PTPRJ: variants seen among roughly 807,000 people sequenced by gnomAD.
PTPRJ encodes receptor-type tyrosine-protein phosphatase eta.
PTPRJ carries 129 observed loss-of-function variants against 141.3 expected under a neutral mutation model. The observed-to-expected ratio is 0.91, with a 90% CI of 0.79 to 1.06. The LOEUF (loss-of-function observed/expected upper bound fraction) is 1.06, where lower values mean the gene tolerates loss of function less well. Ranked by LOEUF, PTPRJ falls within the 50% of genes least tolerant of loss-of-function variation. The probability of loss-of-function intolerance (pLI) is 0.00; values close to 1 mark genes in which losing one functional copy is unlikely to be tolerated. For missense variants in PTPRJ, 1,601 were observed against 1,679.7 expected, an observed-to-expected ratio of 0.95 and a Z score of 0.82; for synonymous variants, 610 against 640.5, an observed-to-expected ratio of 0.95 and a Z score of 0.72.
Position 48,144,788 on chromosome 11 carries a change from A to C in PTPRJ, c.2689A>C (p.Ser897Arg). The C allele has an allele frequency of 6.2e-7, 1 of 1,614,164 alleles. No individual in the cohort carries two copies. Among genetic ancestry groups the C allele is most frequent in the Non-Finnish European group, 8.5e-7 (1 of 1,180,012 alleles). Residue 897 changes from serine to arginine, a missense_variant, in exon 13 of 25, where the codon AGC becomes CGC. Physicochemically the swap from Ser to Arg is moderately radical, Grantham distance 110 (BLOSUM62 -1). Coordinates refer to ENST00000418331, the MANE Select transcript of PTPRJ (RefSeq NM_002843.4). ...IRTEEKGRSQSLSEVLKYEID... is the reference protein window; with the variant it reads ...IRTEEKGRSQRLSEVLKYEID... ...AACAGAAGAAAAGGGACGTTCTCAG[A>C]GCTTGTCTGAAGTTTTGAAATATGA... is the stretch of plus-strand genomic sequence containing the variant.
At chr11:48,105,644 T>C (rs1034572099) in intron 1 of PTPRJ, among the ~76,000 whole-genome samples, 1 of 152,128 alleles carries the variant, frequency 6.6e-6, no homozygotes, top group Admixed American at 6.5e-5. Flanking sequence ...TGAGTGACAG[T>C]GGAAGTTGAA....
chr11:48,115,336 A>G (rs1309212534), intron 3 of PTPRJ, among the ~76,000 whole-genome samples: 1 of 152,204 alleles, frequency 6.6e-6, no homozygotes, highest in African/African-American at 2.4e-5. Flanking sequence ...AGGGAGCTCC[A>G]CTTCAGCTAG....
intron 9 of PTPRJ, 137 bp downstream of exon 9, chr11:48,136,433 C>A (rs1857104892): frequency 9.3e-7 from 1 of 1,073,872 alleles, no homozygotes; most frequent in Non-Finnish European, 1.4e-6. Flanking sequence ...ACATTGGTCT[C>A]AGCAATGGTT....
In PTPRJ at chr11:48,112,911, G is replaced by A. The variant is rs759543022; in HGVS notation, c.280G>A (p.Asp94Asn). 2.5e-6 allele frequency: 4 copies of A among 1,614,056 alleles called. No homozygotes were observed. Among genetic ancestry groups the A allele is most frequent in the East Asian group, 4.5e-5 (2 of 44,894 alleles). Reference protein sequence around the residue: ...SEDGESSGANDSLRTPEQGSN... With the variant: ...SEDGESSGANNSLRTPEQGSN... ...GGATGGTGAAAGCTCTGGAGCCAAC[G>A]ATAGTTTAAGAACACCTGAACAAGG... Residue 94 changes from aspartate to asparagine, a missense_variant, in exon 3 of 25, where the codon GAT becomes AAT. Physicochemically the swap from Asp to Asn is conservative, Grantham distance 23. Transcript: ENST00000418331.
rs377623802 is a variant in PTPRJ at position 48,073,849 on chromosome 11, C to T, written c.97-36209C>T. On this transcript the variant is annotated intron_variant, in intron 1 of 24. Coordinates refer to ENST00000418331, the MANE Select transcript of PTPRJ (RefSeq NM_002843.4). ...CTTGCATTTTCAGTTGACCCATTCA[C>T]TTTGCAAATCTTTAGAGTATTATAT... Among the ~76,000 whole-genome samples the T allele has an allele frequency of 7.9e-5, 12 of 152,144 alleles. 1 individual carries two copies. Among genetic ancestry groups the T allele is most frequent in the Admixed American group, 5.9e-4 (9 of 15,276 alleles).
At chr11:48,058,621 C>G (rs897460709) in intron 1 of PTPRJ, among the ~76,000 whole-genome samples, 2 of 152,138 alleles carry the variant, frequency 1.3e-5, no homozygotes, top group African/African-American at 4.8e-5. Flanking sequence ...CTCACCTCTC[C>G]CCAGCCACCG....
intron 12 of PTPRJ, among the ~76,000 whole-genome samples, chr11:48,144,073 C>G (rs142278289): frequency 1.8e-3 from 272 of 152,134 alleles, no homozygotes; most frequent in Non-Finnish European, 2.8e-3. Flanking sequence ...TGCCCACTCT[C>G]TCCTACTGTG....
Position 48,071,417 on chromosome 11 carries a change from C to T in PTPRJ, c.97-38641C>T, listed in dbSNP as rs905724301. The stretch of plus-strand genomic sequence containing the variant: ...CTGCACCCTCCGCCTCCCGGGTTCA[C>T]GCCATTCTCCTGTGTCAGCCTCCCG... On this transcript the variant is annotated intron_variant, in intron 1 of 24. Transcript: ENST00000418331. 7.9e-5 allele frequency among the ~76,000 whole-genome samples: 11 copies of T among 139,492 alleles called. No homozygotes were observed. The East Asian group carries it at 1.1e-3, about 14-fold the overall frequency. 91.5% of individuals were successfully genotyped at this position (139,492 alleles called of 152,430 possible).
intron 1 of PTPRJ, among the ~76,000 whole-genome samples, chr11:47,985,520 TA>T (rs905863470): frequency 3.0e-4 from 45 of 150,666 alleles, no homozygotes; most frequent in East Asian, 1.7e-3. Flanking sequence ...CACAGAGAAA[TA>T]AAAAAAAAGA....
Position 48,139,599 on chromosome 11 carries a change from A to G in PTPRJ, c.2266A>G (p.Ser756Gly). 1.2e-6 allele frequency: 2 copies of G among 1,614,246 alleles called. No individual in the cohort carries two copies. Among genetic ancestry groups the G allele is most frequent in the Non-Finnish European group, 1.7e-6 (2 of 1,180,038 alleles). Reference sequence around the variant, plus strand: ...TGCAGGCTTTGAGCTGGAGGTCAGCAGTGGAGCCTGGAACAATGCGACCCA... The same window carrying G: ...TGCAGGCTTTGAGCTGGAGGTCAGCGGTGGAGCCTGGAACAATGCGACCCA... ...ANAGFELEVS[S>G]GAWNNATHLE... The change falls in exon 11 of 25, where the codon AGT becomes GGT. Residue 756 changes from serine to glycine, a missense_variant. Coordinates refer to ENST00000418331, the MANE Select transcript of PTPRJ (RefSeq NM_002843.4).
intron 1 of PTPRJ, among the ~76,000 whole-genome samples, chr11:48,106,385 C>T (rs1856288543): frequency 6.6e-6 from 1 of 152,096 alleles, no homozygotes; most frequent in East Asian, 1.9e-4. Context: ...GTTTCTCAGC[C>T]CTAGGATGAG....
At chr11:48,127,424 G>A (rs1053673154) in intron 6 of PTPRJ, among the ~76,000 whole-genome samples, 19 of 152,266 alleles carry the variant, frequency 1.2e-4, no homozygotes, top group African/African-American at 3.1e-4. Flanking sequence ...CACATAGATC[G>A]CAGTGTTCGC....
At chr11:48,042,570 A>T (rs1041725090) in intron 1 of PTPRJ, among the ~76,000 whole-genome samples, 1 of 152,180 alleles carries the variant, frequency 6.6e-6, no homozygotes, top group Non-Finnish European at 1.5e-5. Context: ...CTAGAAATTG[A>T]TGTTCTGCCA....
At chr11:48,136,968 GCTTT>G in intron 9 of PTPRJ, 31 bp from the exon 10 acceptor site, 1 of 1,530,044 alleles carries the variant, frequency 6.5e-7, no homozygotes, top group Non-Finnish European at 9.0e-7. Context: ...CTTAATCTGT[GCTTT>G]TACATGAATT....
chr11:48,105,208 C>T (rs561550207), intron 1 of PTPRJ, among the ~76,000 whole-genome samples: 49 of 152,234 alleles, frequency 3.2e-4, no homozygotes, highest in African/African-American at 1.2e-3. Flanking sequence ...CCCCTCCCTC[C>T]CCATCCCCCA....
chr11:48,024,241 A>C (rs1335895800), intron 1 of PTPRJ, among the ~76,000 whole-genome samples: 3 of 152,112 alleles, frequency 2.0e-5, no homozygotes, highest in Non-Finnish European at 4.4e-5. Flanking sequence ...TCTGACGACC[A>C]GGCTGGAGTG....
rs753634497 is a variant in PTPRJ, at chr11:48,123,789, G to A, written c.793G>A (p.Gly265Arg). 19 of 1,613,950 alleles carry A rather than the reference G, an allele frequency of 1.2e-5. No individual in the cohort carries two copies. Among genetic ancestry groups the A allele is most frequent in the Admixed American group, 1.7e-5 (1 of 59,992 alleles). ...GGTCAATATCTCGGGCCTGAAGCCA[G>A]GGGTTCAATACAACATCAACCCGTA... ...LQVNISGLKPGVQYNINPYLL... is the reference protein window; with the variant it reads ...LQVNISGLKPRVQYNINPYLL... The change falls in exon 5 of 25, where the codon GGG becomes AGG. Residue 265 changes from glycine to arginine, a missense_variant. Physicochemically the swap from Gly to Arg is moderately radical, Grantham distance 125. Transcript: ENST00000418331.
At chr11:48,111,457 C>G (rs1211349440) in intron 2 of PTPRJ, among the ~76,000 whole-genome samples, 1 of 150,758 alleles carries the variant, frequency 6.6e-6, no homozygotes, top group East Asian at 1.9e-4. Context: ...TTAGATTGTA[C>G]TCATGGAAGC....
intron 18 of PTPRJ, among the ~76,000 whole-genome samples, chr11:48,152,741 G>A (rs1476613566): frequency 6.6e-6 from 1 of 152,170 alleles, no homozygotes; most frequent in Admixed American, 6.5e-5. Context: ...GGTTGTAGAT[G>A]TGTGGTATTA....
Sources: allele counts gnomAD v4.1 joint callset (sites outside exome capture counted in the v4.1 genomes callset), GRCh38; gene constraint gnomAD v4.1.1; transcripts MANE v1.5; gene names NCBI Gene and HGNC (gene_info 2026-07-23, HGNC 2026-07-21).